ATP2B4: variants seen among roughly 807,000 people sequenced by gnomAD.
ATP2B4 encodes plasma membrane calcium-transporting ATPase 4.
In ATP2B4, 39 loss-of-function variants were observed where a neutral mutation model predicts 110.3. The ratio of observed to expected loss-of-function variants is 0.35; its 90% CI spans 0.27 to 0.46. ATP2B4 has a LOEUF of 0.46. Ranked by LOEUF, ATP2B4 falls within the 20% of genes least tolerant of loss-of-function variation. The probability of loss-of-function intolerance (pLI) is 1.00; values close to 1 mark genes in which losing one functional copy is unlikely to be tolerated. For missense variants in ATP2B4, 1,135 were observed against 1,530.9 expected (o/e 0.74, Z 4.32); for synonymous variants, 538 against 571.7 (o/e 0.94, Z 0.84).
chr1:203,707,998 G>A lies in ATP2B4; in HGVS notation c.1451G>A (p.Gly484Asp), dbSNP rs1389918530. 1 of 1,614,182 alleles carries A rather than the reference G, an allele frequency of 6.2e-7. No homozygotes were observed. The highest frequency in any genetic ancestry group is 8.5e-7 in the Non-Finnish European group (1 of 1,180,050). ...RMTVVQAYIGGIHYRQIPSPD... is the reference protein window; with the variant it reads ...RMTVVQAYIGDIHYRQIPSPD... ...ACTGTGGTACAAGCTTATATTGGGG[G>A]CATCCATTACCGTCAAATCCCAAGC... The change falls in exon 10 of 21, where the codon GGC becomes GAC. Residue 484 changes from glycine to aspartate, a missense_variant. Gly to Asp is a moderately conservative substitution (Grantham distance 94). Coordinates refer to ENST00000357681, the MANE Select transcript of ATP2B4 (RefSeq NM_001684.5).
At chr1:203,711,157 T>C in intron 12 of ATP2B4, 49 bp downstream of exon 12, 1 of 1,570,968 alleles carries the variant, frequency 6.4e-7, no homozygotes, top group Non-Finnish European at 8.8e-7. Context: ...GGGGTACTAG[T>C]TCCCTTTCTA....
chr1:203,668,130 A>T (rs1386148179), intron 1 of ATP2B4, among the ~76,000 whole-genome samples: 1 of 152,124 alleles, frequency 6.6e-6, no homozygotes, highest in African/African-American at 2.4e-5. Flanking sequence ...GGATTTTAGC[A>T]TCCATATGTC....
chr1:203,694,407 CT>C (rs1665472811), intron 2 of ATP2B4, among the ~76,000 whole-genome samples: 1 of 152,102 alleles, frequency 6.6e-6, no homozygotes, highest in Non-Finnish European at 1.5e-5. Context: ...CAGGGTAGGC[CT>C]CACTAAAAAG....
chr1:203,640,007 C>G (rs1663578645), intron 1 of ATP2B4, among the ~76,000 whole-genome samples: 3 of 152,194 alleles, frequency 2.0e-5, no homozygotes, highest in Admixed American at 6.5e-5. Flanking sequence ...CACATCTGCA[C>G]CTAGCCTGAG....
intron 19 of ATP2B4, among the ~76,000 whole-genome samples, chr1:203,726,113 C>T (rs776472931): frequency 6.6e-6 from 1 of 150,964 alleles, no homozygotes; most frequent in Non-Finnish European, 1.5e-5. Flanking sequence ...GTGACACATG[C>T]CTGTAATCCC....
intron 20 of ATP2B4, 99 bp from the exon 21 acceptor site, chr1:203,739,447 C>G: frequency 8.2e-7 from 1 of 1,220,786 alleles, no homozygotes; most frequent in Non-Finnish European, 1.2e-6. Flanking sequence ...GTTTTATAGT[C>G]TGGGTTTTGT....
intron 15 of ATP2B4, among the ~76,000 whole-genome samples, chr1:203,716,863 A>T (rs1173002232): frequency 6.9e-6 from 1 of 145,186 alleles, no homozygotes; most frequent in Non-Finnish European, 1.5e-5. Context: ...CTGCAAAATG[A>T]CAATATTGTA....
intron 1 of ATP2B4, among the ~76,000 whole-genome samples, chr1:203,670,398 C>CT (rs1389018274): frequency 6.6e-6 from 1 of 152,200 alleles, no homozygotes; most frequent in East Asian, 1.9e-4. Context: ...AGACTGGTCT[C>CT]TAACTCCTGA....
At chr1:203,718,142 G>A (rs991159472) in intron 15 of ATP2B4, among the ~76,000 whole-genome samples, 5 of 152,114 alleles carry the variant, frequency 3.3e-5, no homozygotes, top group East Asian at 1.9e-4. Flanking sequence ...AAAATACTTC[G>A]TGAATTCATA....
At chr1:203,672,959 C>G (rs1047649062) in intron 1 of ATP2B4, among the ~76,000 whole-genome samples, 18 of 152,094 alleles carry the variant, frequency 1.2e-4, no homozygotes, top group African/African-American at 4.3e-4. Context: ...TGGGCTTTTT[C>G]AGGGCTCTGT....
intron 11 of ATP2B4, 60 bp downstream of exon 11, chr1:203,709,602 G>A (rs749168969): frequency 4.4e-6 from 7 of 1,605,608 alleles, no homozygotes; most frequent in African/African-American, 1.3e-5. Context: ...AGGCATGGGT[G>A]CACACCCCAC....
chr1:203,666,237 T>C (rs113489356), intron 1 of ATP2B4, among the ~76,000 whole-genome samples: 13 of 152,112 alleles, frequency 8.5e-5, no homozygotes, highest in Admixed American at 4.6e-4. Context: ...TGCCCATGAG[T>C]ATGAAAGGGA....
intron 12 of ATP2B4, 101 bp from the exon 13 acceptor site, chr1:203,711,859 G>A: frequency 7.4e-7 from 1 of 1,350,234 alleles, no homozygotes; most frequent in Non-Finnish European, 1.0e-6. Context: ...CACTTCTAGG[G>A]TGCCTTTCTC....
chr1:203,696,995 G>A (rs1665552636), intron 2 of ATP2B4, among the ~76,000 whole-genome samples: 1 of 152,120 alleles, frequency 6.6e-6, no homozygotes, highest in African/African-American at 2.4e-5. Context: ...AGTACTGCGT[G>A]GCATCTGAAA....
intron 1 of ATP2B4, among the ~76,000 whole-genome samples, chr1:203,632,926 A>G (rs1280357705): frequency 1.3e-5 from 2 of 152,088 alleles, no homozygotes; most frequent in African/African-American, 2.4e-5. Flanking sequence ...GTTTTTTTGT[A>G]TATCTTGTGG....
intron 1 of ATP2B4, among the ~76,000 whole-genome samples, chr1:203,630,531 G>A (rs1170347888): frequency 6.6e-6 from 1 of 151,948 alleles, no homozygotes; most frequent in South Asian, 2.1e-4. Context: ...GACAAACCCC[G>A]TTAGCCAAAC....
Position 203,723,778 on chromosome 1 carries a change from G to C in ATP2B4, c.3025-103G>C, listed in dbSNP as rs1558052607. ...AAGCAAATCGGGACTTGTACCCAAG[G>C]ATCCTGAGGAGTGGGATGATGTGGC... is the stretch of plus-strand genomic sequence containing the variant. On this transcript the variant is annotated intron_variant, in intron 18 of 20. Coordinates refer to ENST00000357681, the MANE Select transcript of ATP2B4 (RefSeq NM_001684.5). 15 of 858,634 alleles carry C rather than the reference G, an allele frequency of 1.7e-5. No individual in the cohort carries two copies. The East Asian group carries it at 4.1e-4, about 23-fold the overall frequency. The allele number at this position is 858,634 out of a possible 1,614,324, so 53.2% of individuals were successfully genotyped here.
chr1:203,652,708 A>C (rs1160801069), intron 1 of ATP2B4, among the ~76,000 whole-genome samples: 1 of 152,170 alleles, frequency 6.6e-6, no homozygotes. Flanking sequence ...ATTTGTGATC[A>C]GTGATTTTTT....
At chr1:203,732,132 G>A (rs1472786055) in intron 20 of ATP2B4, among the ~76,000 whole-genome samples, 3 of 143,490 alleles carry the variant, frequency 2.1e-5, no homozygotes, top group East Asian at 2.0e-4. Context: ...AGCCGAGATC[G>A]CACCTTGCAC....
Sources: gnomAD v4.1 joint callset for allele counts (sites outside exome capture counted in the v4.1 genomes callset) on GRCh38, gnomAD v4.1.1 for gene constraint, MANE v1.5 for transcripts, NCBI Gene and HGNC (gene_info 2026-07-23, HGNC 2026-07-21) for gene names.